Variants in HTR1F observed in about 807,000 individuals in gnomAD.
HTR1F encodes 5-hydroxytryptamine receptor 1F, also known as 5-hydroxytryptamine (serotonin) receptor 1F, G protein-coupled.
Under a neutral mutation model 24.0 loss-of-function variants are expected in HTR1F, and 17 were observed. The observed-to-expected ratio is 0.71, with a 90% CI of 0.48 to 1.06. HTR1F has a LOEUF of 1.06. Ranked by LOEUF, HTR1F falls within the 50% of genes least tolerant of loss-of-function variation. The pLI is 0.00. For missense variants in HTR1F, 391 were observed against 427.8 expected, an observed-to-expected ratio of 0.91 and a Z score of 0.76; for synonymous variants, 186 against 156.8, an observed-to-expected ratio of 1.19 and a Z score of -1.39.
intron 2 of HTR1F, among the ~76,000 whole-genome samples, chr3:87,908,613 T>G (rs1703714974): frequency 6.6e-6 from 1 of 152,060 alleles, no homozygotes; most frequent in Non-Finnish European, 1.5e-5. Flanking sequence ...TTTATAAATA[T>G]TTAGAGTCAT....
intron 2 of HTR1F, among the ~76,000 whole-genome samples, chr3:87,880,646 T>TGTG (rs1705771679): frequency 6.8e-6 from 1 of 147,176 alleles, no homozygotes; most frequent in Non-Finnish European, 1.5e-5. Context: ...GTGTGTTTGT[T>TGTG]TGTGTGTGTG....
intron 2 of HTR1F, among the ~76,000 whole-genome samples, chr3:87,987,732 T>A (rs1462824775): frequency 3.1e-5 from 4 of 127,538 alleles, no homozygotes; most frequent in East Asian, 4.6e-4. Flanking sequence ...TATATATGTA[T>A]TTTATATATA....
At chr3:87,800,084 T>C (rs1282593921) in intron 1 of HTR1F, among the ~76,000 whole-genome samples, 1 of 152,194 alleles carries the variant, frequency 6.6e-6, no homozygotes, top group African/African-American at 2.4e-5. Flanking sequence ...TTTCAATACC[T>C]TCCAAACTCA....
At chr3:87,872,596 A>C (rs181848610) in intron 2 of HTR1F, among the ~76,000 whole-genome samples, 6 of 152,128 alleles carry the variant, frequency 3.9e-5, no homozygotes, top group Admixed American at 3.9e-4. Flanking sequence ...AAATTTAAAA[A>C]ATGAAAGAGG....
intron 2 of HTR1F, among the ~76,000 whole-genome samples, chr3:87,920,632 C>T (rs987910685): frequency 1.7e-4 from 26 of 151,640 alleles, no homozygotes; most frequent in African/African-American, 6.3e-4. Flanking sequence ...AAAAAGAAAA[C>T]CAAATATCAT....
At chr3:87,875,967 C>T (rs943361668) in intron 2 of HTR1F, among the ~76,000 whole-genome samples, 5 of 151,582 alleles carry the variant, frequency 3.3e-5, no homozygotes, top group Non-Finnish European at 7.4e-5. Flanking sequence ...AGACATTTCT[C>T]CTAAGTAATA....
At position 87,884,971 on chromosome 3, in the gene HTR1F, C is replaced by T. The variant is rs181343310; in HGVS notation, c.-43+62847C>T. ...AACAAGGATATCCAGGACTTGAACT[C>T]AGCTCTGCATCAAGCAGACCTAACA... On this transcript the variant is annotated intron_variant, in intron 2 of 2. Coordinates refer to ENST00000319595, the MANE Select transcript of HTR1F (RefSeq NM_001322209.2). 3.9e-3 allele frequency among the ~76,000 whole-genome samples: 599 copies of T among 152,316 alleles called. 3 individuals carry two copies. The highest frequency in any genetic ancestry group is 0.011 in the African/African-American group (467 of 41,566).
chr3:87,833,993 T>C (rs910212682), intron 2 of HTR1F, among the ~76,000 whole-genome samples: 9 of 152,200 alleles, frequency 5.9e-5, no homozygotes, highest in African/African-American at 1.7e-4. Context: ...CAAAAATATA[T>C]AGATTGGCTG....
At chr3:87,832,821 G>C (rs1704610384) in intron 2 of HTR1F, among the ~76,000 whole-genome samples, 1 of 152,128 alleles carries the variant, frequency 6.6e-6, no homozygotes, top group Non-Finnish European at 1.5e-5. Flanking sequence ...AGTTATATTT[G>C]AGTTATTTGA....
intron 2 of HTR1F, among the ~76,000 whole-genome samples, chr3:87,869,833 A>AACTT (rs1705516581): frequency 6.6e-6 from 1 of 152,096 alleles, no homozygotes; most frequent in Admixed American, 6.6e-5. Flanking sequence ...CTCTCAGAAA[A>AACTT]ACTTAAAATA....
intron 1 of HTR1F, among the ~76,000 whole-genome samples, chr3:87,819,313 A>G (rs902170650): frequency 1.3e-5 from 2 of 151,952 alleles, no homozygotes; most frequent in African/African-American, 4.8e-5. Context: ...TGTTTTTGGT[A>G]TACAAATCCC....
chr3:87,818,537 G>A (rs1704292516), intron 1 of HTR1F, among the ~76,000 whole-genome samples: 1 of 152,174 alleles, frequency 6.6e-6, no homozygotes, highest in Non-Finnish European at 1.5e-5. Context: ...CATCCTAGGT[G>A]TGCACTTGAT....
At chr3:87,956,117 C>T (rs1371160356) in intron 2 of HTR1F, among the ~76,000 whole-genome samples, 3 of 151,174 alleles carry the variant, frequency 2.0e-5, no homozygotes, top group Non-Finnish European at 4.4e-5. Flanking sequence ...TACTAAGAGA[C>T]CTTTGCTTAA....
chr3:87,800,160 G>A (rs545713428), intron 1 of HTR1F, among the ~76,000 whole-genome samples: 1 of 151,912 alleles, frequency 6.6e-6, no homozygotes, highest in South Asian at 2.1e-4. Context: ...TTAACTTTAG[G>A]TATTAGTTCT....
At chr3:87,808,925 A>G (rs530856840) in intron 1 of HTR1F, among the ~76,000 whole-genome samples, 7 of 151,676 alleles carry the variant, frequency 4.6e-5, no homozygotes, top group South Asian at 4.1e-4. Context: ...TTCTCTTTTT[A>G]TAGATTTCTA....
intron 2 of HTR1F, among the ~76,000 whole-genome samples, chr3:87,832,912 T>TC (rs902080046): frequency 6.6e-6 from 1 of 152,236 alleles, no homozygotes; most frequent in Non-Finnish European, 1.5e-5. Context: ...CAAGTTTTGT[T>TC]CCGTCTGTTG....
intron 2 of HTR1F, among the ~76,000 whole-genome samples, chr3:87,874,217 G>A (rs1705620285): frequency 6.6e-6 from 1 of 151,912 alleles, no homozygotes; most frequent in Non-Finnish European, 1.5e-5. Context: ...GATCTTTTAT[G>A]TAGAAAACCC....
chr3:87,869,642 G>T (rs547767241), intron 2 of HTR1F, among the ~76,000 whole-genome samples: 1 of 152,148 alleles, frequency 6.6e-6, no homozygotes, highest in Admixed American at 6.6e-5. Flanking sequence ...TGCTTCAAAG[G>T]TTGCCAGAAT....
In HTR1F at chr3:87,991,731, A is replaced by T; in HGVS notation, c.982A>T (p.Met328Leu). 6.2e-7 allele frequency: 1 copy of T among 1,613,994 alleles called. No homozygotes were observed. The highest frequency in any genetic ancestry group is 8.5e-7 in the Non-Finnish European group (1 of 1,179,906). Residue 328 changes from methionine to leucine, a missense_variant, in exon 3 of 3, where the codon ATG becomes TTG. Physicochemically the swap from Met to Leu is conservative, Grantham distance 15. Coordinates refer to ENST00000319595, the MANE Select transcript of HTR1F (RefSeq NM_001322209.2). ...VCDKCKISEE[M>L]SNFLAWLGYL... is the part of the protein sequence containing the mutation. ...TGACAAATGTAAAATTTCTGAAGAA[A>T]TGTCCAATTTTTTGGCATGGCTTGG...
Sources: gnomAD v4.1 joint callset for allele counts (sites outside exome capture counted in the v4.1 genomes callset) on GRCh38, gnomAD v4.1.1 for gene constraint, MANE v1.5 for transcripts, NCBI Gene and HGNC (gene_info 2026-07-23, HGNC 2026-07-21) for gene names.